Variants in BRDT observed in about 807,000 individuals in gnomAD.
The protein encoded by BRDT is bromodomain testis-specific protein.
In BRDT, 77 loss-of-function variants were observed where a neutral mutation model predicts 113.9. The ratio of observed to expected loss-of-function variants is 0.68; its 90% CI spans 0.56 to 0.82. The LOEUF is 0.82. BRDT is among the 40% of genes least tolerant of loss of function. The pLI is 0.00. For synonymous variants in BRDT, 358 were observed against 366.5 expected, an observed-to-expected ratio of 0.98 and a Z score of 0.26; for missense variants, 1,027 against 1,105.4, an observed-to-expected ratio of 0.93 and a Z score of 1.01.
intron 1 of BRDT, among the ~76,000 whole-genome samples, chr1:91,959,649 T>C (rs1015676172): frequency 6.6e-6 from 1 of 151,944 alleles, no homozygotes; most frequent in Non-Finnish European, 1.5e-5. Flanking sequence ...CCTGACTGAT[T>C]TTTGTATTTT....
At chr1:91,991,097 C>T (rs1570585908) in intron 12 of BRDT, 87 bp from the exon 13 acceptor site, 1 of 819,702 alleles carries the variant, frequency 1.2e-6, no homozygotes, top group Non-Finnish European at 1.9e-6. Context: ...GTGCCCAGCC[C>T]CCACTGTGTT....
intron 1 of BRDT, among the ~76,000 whole-genome samples, chr1:91,959,515 G>A (rs1355809994): frequency 6.7e-6 from 1 of 150,212 alleles, no homozygotes. Context: ...GGGTCTTGCT[G>A]TGTCACCCAG....
intron 3 of BRDT, among the ~76,000 whole-genome samples, 158 bp downstream of exon 3, chr1:91,964,922 T>G (rs1471400195): frequency 6.6e-6 from 1 of 150,460 alleles, no homozygotes; most frequent in Non-Finnish European, 1.5e-5. Context: ...TTTTTTTTTT[T>G]TTTTTGAGAT....
chr1:91,951,718 G>C (rs1028096823), intron 1 of BRDT, among the ~76,000 whole-genome samples: 3 of 151,442 alleles, frequency 2.0e-5, no homozygotes, highest in African/African-American at 7.3e-5. Flanking sequence ...AGGTTGCAGT[G>C]AGCTGAGATC....
chr1:91,996,058 T>C (rs577991733), intron 15 of BRDT, among the ~76,000 whole-genome samples: 2 of 152,272 alleles, frequency 1.3e-5, no homozygotes, highest in East Asian at 3.9e-4. Context: ...TATTTATGTC[T>C]ACTCTTTTTT....
chr1:91,996,062 C>CT (rs1241320881), intron 15 of BRDT, among the ~76,000 whole-genome samples: 2 of 151,946 alleles, frequency 1.3e-5, no homozygotes, highest in Non-Finnish European at 2.9e-5. Flanking sequence ...TATGTCTACT[C>CT]TTTTTTTGAA....
intron 15 of BRDT, among the ~76,000 whole-genome samples, chr1:92,001,408 A>C (rs6703718): frequency 0.067 from 10,173 of 152,194 alleles, 397 homozygotes; most frequent in African/African-American, 0.096. Context: ...TGAAATTTAC[A>C]GGCCTGGCCA....
intron 2 of BRDT, among the ~76,000 whole-genome samples, chr1:91,963,542 C>G (rs1417883820): frequency 6.6e-6 from 1 of 152,134 alleles, no homozygotes; most frequent in Admixed American, 6.5e-5. Flanking sequence ...TGAAGTTTCT[C>G]TTGACACTTC....
chr1:91,952,662 C>A (rs1681226562), intron 1 of BRDT, among the ~76,000 whole-genome samples: 1 of 151,398 alleles, frequency 6.6e-6, no homozygotes, highest in Non-Finnish European at 1.5e-5. Context: ...AAAAGATAAA[C>A]CAGCACAACG....
chr1:91,989,398 T>C (rs550159420), intron 12 of BRDT, among the ~76,000 whole-genome samples: 8 of 152,342 alleles, frequency 5.3e-5, no homozygotes, highest in Non-Finnish European at 8.8e-5. Context: ...TCTGGCTCTG[T>C]CACCCAGACT....
intron 4 of BRDT, among the ~76,000 whole-genome samples, chr1:91,969,084 C>G (rs1683359720): frequency 1.3e-5 from 2 of 151,830 alleles, no homozygotes; most frequent in Admixed American, 6.6e-5. Flanking sequence ...CTACAGGCGC[C>G]CACCACCACG....
At chr1:91,969,247 T>C (rs1294225242) in intron 4 of BRDT, among the ~76,000 whole-genome samples, 1 of 151,982 alleles carries the variant, frequency 6.6e-6, no homozygotes, top group Non-Finnish European at 1.5e-5. Flanking sequence ...GCCCTAAAAA[T>C]ATTTATCTTT....
At chr1:91,983,540 C>T (rs761693932) in intron 12 of BRDT, among the ~76,000 whole-genome samples, 5 of 152,232 alleles carry the variant, frequency 3.3e-5, no homozygotes, top group South Asian at 2.1e-4. Context: ...AGGCATTAGC[C>T]ACCACGCCTG....
At chr1:91,999,291 A>G (rs963339920) in intron 15 of BRDT, among the ~76,000 whole-genome samples, 4 of 152,178 alleles carry the variant, frequency 2.6e-5, no homozygotes, top group African/African-American at 4.8e-5. Context: ...CCAGGTTGAC[A>G]GACCCGGGAC....
chr1:91,965,768 G>T (rs913813772), intron 3 of BRDT, among the ~76,000 whole-genome samples: 1 of 151,922 alleles, frequency 6.6e-6, no homozygotes, highest in African/African-American at 2.4e-5. Context: ...AATCGCTTCA[G>T]CCCAGGAGGT....
At chr1:91,961,867 G>C (rs1682483847) in intron 1 of BRDT, among the ~76,000 whole-genome samples, 1 of 151,928 alleles carries the variant, frequency 6.6e-6, no homozygotes, top group Non-Finnish European at 1.5e-5. Flanking sequence ...ATTTAAAACA[G>C]CCAAGGTTGG....
In BRDT at chr1:91,962,883, A is replaced by G; in HGVS notation, c.129A>G (p.Leu43=). 1 of 1,612,540 alleles carries G rather than the reference A, an allele frequency of 6.2e-7. No homozygotes were observed. Among genetic ancestry groups the G allele is most frequent in the Non-Finnish European group, 8.5e-7 (1 of 1,179,404 alleles). Reference sequence around the variant, plus strand: ...TACAAAAAGTTGTCCTAAAGGATTTATGGAAGCATAGTTTTTCATGGCCCT... The same window carrying G: ...TACAAAAAGTTGTCCTAAAGGATTTGTGGAAGCATAGTTTTTCATGGCCCT... The part of the protein sequence containing the change: ...QYLQKVVLKD[L]WKHSFSWPFQ... Residue 43 remains leucine (L), a synonymous_variant, in exon 2 of 19, where the codon TTA becomes TTG. Transcript: ENST00000399546.
intron 1 of BRDT, among the ~76,000 whole-genome samples, chr1:91,951,635 G>C (rs996072062): frequency 3.3e-5 from 5 of 151,372 alleles, no homozygotes; most frequent in African/African-American, 7.3e-5. Flanking sequence ...TTAGCCGGGC[G>C]TGGTGGCACG....
At position 91,992,013 on chromosome 1, in the gene BRDT, AAAAAAGAAAAG is replaced by A. The variant is rs1557850689; in HGVS notation, c.2065-237_2065-227del. On this transcript the variant is annotated intron_variant, in intron 13 of 18. Coordinates refer to ENST00000399546, the MANE Select transcript of BRDT (RefSeq NM_207189.4). ...TCTCAAAAAAAAAAAAAAAAAAAAA[AAAAAAGAAAAG>A]AAAAAGAAAAGAACAGAAGTGATTT... 7.4e-3 allele frequency among the ~76,000 whole-genome samples: 1,074 copies of A among 145,980 alleles called. 2 individuals carry two copies. The highest frequency in any genetic ancestry group is 0.016 in the Middle Eastern group (4 of 250).
Sources: allele counts gnomAD v4.1 joint callset (sites outside exome capture counted in the v4.1 genomes callset), GRCh38; gene constraint gnomAD v4.1.1; transcripts MANE v1.5; gene names NCBI Gene and HGNC (gene_info 2026-07-23, HGNC 2026-07-21).